Variants in SMOC2 observed in about 807,000 individuals in gnomAD.
The protein encoded by SMOC2 is SPARC related modular calcium binding 2.
A neutral mutation model predicts 61.4 loss-of-function variants in SMOC2; 39 were observed. That is an observed-to-expected ratio of 0.64 (90% confidence interval 0.49 to 0.83). The LOEUF is 0.83. SMOC2 is among the 40% of genes least tolerant of loss of function. The pLI is 0.00. For missense variants in SMOC2, 556 were observed against 592.9 expected (o/e 0.94, Z 0.65); for synonymous variants, 247 against 239.9 (o/e 1.03, Z -0.27).
chr6:168,553,108 C>T lies in SMOC2; in HGVS notation c.637+3905C>T, dbSNP rs1462763346. Among the ~76,000 whole-genome samples, 2 of 151,956 alleles carry T rather than the reference C, an allele frequency of 1.3e-5. No individual in the cohort carries two copies. The highest frequency in any genetic ancestry group is 2.9e-5 in the Non-Finnish European group (2 of 67,986). Reference sequence around the variant, plus strand: ...ACTGGAAAAGAGAGAATCTAGGCACCCCTAGAGGTTGCCTATTAGACTTAT... The same window carrying T: ...ACTGGAAAAGAGAGAATCTAGGCACTCCTAGAGGTTGCCTATTAGACTTAT... On this transcript the variant is annotated intron_variant, in intron 7 of 12. Coordinates refer to ENST00000356284, the MANE Select transcript of SMOC2 (RefSeq NM_001166412.2). This position sits in a 1 kb window ranked among gnomAD's most constrained non-coding sequence, Gnocchi z 4.2.
chr6:168,451,216 G>A (rs1781453905), intron 1 of SMOC2, among the ~76,000 whole-genome samples: 1 of 152,068 alleles, frequency 6.6e-6, no homozygotes, highest in Non-Finnish European at 1.5e-5. Flanking sequence ...GAAATCATCA[G>A]TAAAATGCTA....
chr6:168,494,137 T>G (rs139435898), intron 1 of SMOC2, among the ~76,000 whole-genome samples: 193 of 152,326 alleles, frequency 1.3e-3, no homozygotes, highest in African/African-American at 4.5e-3. Context: ...TATTAGATGG[T>G]TATTCCAGAT....
rs1450261241 is a variant in SMOC2, at chr6:168,535,611, C to A, written c.463+7884C>A. Among the ~76,000 whole-genome samples the A allele has an allele frequency of 6.6e-6, 1 of 152,078 alleles. No homozygotes were observed. The highest frequency in any genetic ancestry group is 1.5e-5 in the Non-Finnish European group (1 of 68,008). Reference sequence around the variant, plus strand: ...AAAAAGACCCACGAAGCATAAAAGCCGGTGCCACAAAGTCCACCGAAACCC... The same window carrying A: ...AAAAAGACCCACGAAGCATAAAAGCAGGTGCCACAAAGTCCACCGAAACCC... On this transcript the variant is annotated intron_variant, in intron 4 of 12. Transcript: ENST00000356284. The surrounding 1 kb of genome is among the most constrained non-coding windows in gnomAD (Gnocchi z 4.6).
At position 168,549,204 on chromosome 6, in the gene SMOC2, G is replaced by T; in HGVS notation, c.637+1G>T. ...CAGAACAAAACCAATAAGAATTCAG[G>T]TAAGATGCTGCCTGATGTCACTTTG... On this transcript the variant is annotated splice_donor_variant, in intron 7 of 12. Coordinates refer to ENST00000356284, the MANE Select transcript of SMOC2 (RefSeq NM_001166412.2). LOFTEE classifies it high-confidence loss of function. 4 of 1,613,632 alleles carry T rather than the reference G, an allele frequency of 2.5e-6. No homozygotes were observed. The highest frequency in any genetic ancestry group is 3.4e-6 in the Non-Finnish European group (4 of 1,179,530).
At chr6:168,531,852 A>T (rs1235977243) in intron 4 of SMOC2, among the ~76,000 whole-genome samples, 1 of 152,182 alleles carries the variant, frequency 6.6e-6, no homozygotes, top group Non-Finnish European at 1.5e-5. Context: ...CCAAATACCA[A>T]AGTATCAAAA....
chr6:168,583,959 C>T (rs2115163309), intron 7 of SMOC2, among the ~76,000 whole-genome samples: 1 of 152,332 alleles, frequency 6.6e-6, no homozygotes, highest in Non-Finnish European at 1.5e-5. Context: ...CCAAGCATCT[C>T]CAAAAGTTCC....
At chr6:168,467,936 A>G (rs1451172824) in intron 1 of SMOC2, among the ~76,000 whole-genome samples, 2 of 152,234 alleles carry the variant, frequency 1.3e-5, no homozygotes, top group African/African-American at 4.8e-5. Context: ...ATATGTACAT[A>G]TTGTATAGTT....
At chr6:168,587,193 A>G (rs12194494) in intron 7 of SMOC2, among the ~76,000 whole-genome samples, 15,835 of 152,268 alleles carry the variant, frequency 0.1, 1,095 homozygotes, top group Non-Finnish European at 0.15. Context: ...AGTCCCTTCA[A>G]TTTTGCAAAA....
chr6:168,607,198 C>T (rs866899175), intron 8 of SMOC2, among the ~76,000 whole-genome samples: 3 of 151,708 alleles, frequency 2.0e-5, no homozygotes, highest in Non-Finnish European at 2.9e-5. Flanking sequence ...GTGGGGGCTC[C>T]GGGAGGCAGG....
rs906198006 is a variant in SMOC2, at chr6:168,441,361, C to T, written c.-10C>T. The T allele has an allele frequency of 4.7e-6, 7 of 1,502,204 alleles. No homozygotes were observed. The highest frequency in any genetic ancestry group is 2.9e-5 in the African/African-American group (2 of 68,722). The allele number at this position is 1,502,204 out of a possible 1,614,324, so 93.1% of individuals were successfully genotyped here. A position where few individuals can be genotyped will look rare whatever the true frequency, so the allele number is the denominator to read the frequency against. Reference sequence around the variant, plus strand: ...GCGGCCGATCTCCCGCTCCCGCCACCTCCGCCACCATGCTGCTCCCCCAGC... The same window carrying T: ...GCGGCCGATCTCCCGCTCCCGCCACTTCCGCCACCATGCTGCTCCCCCAGC... On this transcript the variant is annotated 5_prime_UTR_variant, in exon 1 of 13. Coordinates refer to ENST00000356284, the MANE Select transcript of SMOC2 (RefSeq NM_001166412.2).
chr6:168,451,616 T>TCC (rs1202122534), intron 1 of SMOC2, among the ~76,000 whole-genome samples: 2 of 151,454 alleles, frequency 1.3e-5, no homozygotes, highest in Non-Finnish European at 2.9e-5. Context: ...TCTCTCTCTC[T>TCC]CTCTCTCTCT....
intron 4 of SMOC2, among the ~76,000 whole-genome samples, chr6:168,543,316 T>C (rs1201592208): frequency 6.6e-6 from 1 of 152,226 alleles, no homozygotes; most frequent in East Asian, 1.9e-4. Flanking sequence ...AACATGGGTA[T>C]GTATGTTATG....
chr6:168,507,180 G>A (rs73254714), intron 1 of SMOC2, among the ~76,000 whole-genome samples: 2,452 of 152,228 alleles, frequency 0.016, 61 homozygotes, highest in African/African-American at 0.055. Context: ...TAATTACAGC[G>A]TCTTACCTAA....
intron 7 of SMOC2, among the ~76,000 whole-genome samples, chr6:168,592,529 A>G (rs866190208): frequency 0.12 from 8,757 of 71,452 alleles, 2,112 homozygotes; most frequent in East Asian, 0.23. Flanking sequence ...CCTCACGGGC[A>G]TCTTTCTAGA....
At chr6:168,537,802 A>G (rs1008207971) in intron 4 of SMOC2, among the ~76,000 whole-genome samples, 1 of 152,058 alleles carries the variant, frequency 6.6e-6, no homozygotes, top group African/African-American at 2.4e-5. Context: ...CACAGGGTGG[A>G]TGGATGCAGT....
At chr6:168,568,121 C>T (rs372608295) in intron 7 of SMOC2, among the ~76,000 whole-genome samples, 1 of 144,406 alleles carries the variant, frequency 6.9e-6, no homozygotes, top group Admixed American at 6.8e-5. Context: ...AGATGAGCAG[C>T]TACAGGCGAA....
intron 8 of SMOC2, among the ~76,000 whole-genome samples, chr6:168,603,189 CTG>C (rs1785599958): frequency 6.6e-6 from 1 of 150,578 alleles, no homozygotes; most frequent in South Asian, 2.1e-4. Context: ...TCTGCCATGA[CTG>C]TAATTTTCCT....
chr6:168,660,137 A>G (rs1040065668), intron 11 of SMOC2, among the ~76,000 whole-genome samples: 3 of 150,294 alleles, frequency 2.0e-5, no homozygotes, highest in African/African-American at 7.4e-5. Context: ...TTCAGATGTC[A>G]AAGCATTAGA....
At chr6:168,567,087 T>A (rs934281402) in intron 7 of SMOC2, among the ~76,000 whole-genome samples, 13 of 152,258 alleles carry the variant, frequency 8.5e-5, no homozygotes, top group African/African-American at 2.4e-4. Flanking sequence ...AAAAGGCATT[T>A]TTTCTCTTTT....
Sources: allele counts gnomAD v4.1 joint callset (sites outside exome capture counted in the v4.1 genomes callset), GRCh38; gene constraint gnomAD v4.1.1; non-coding constraint Gnocchi (gnomAD v3.1); transcripts MANE v1.5; gene names NCBI Gene and HGNC (gene_info 2026-07-23, HGNC 2026-07-21).